Variants in GRM5 observed in about 807,000 individuals in gnomAD.
GRM5 encodes the protein glutamate metabotropic receptor 5, also known as metabotropic glutamate receptor 5.
GRM5 carries 19 observed loss-of-function variants against 83.1 expected under a neutral mutation model. The ratio of observed to expected loss-of-function variants is 0.23; its 90% CI spans 0.16 to 0.34. The LOEUF is 0.34. Among genes scored for constraint, GRM5 ranks in the 10% least tolerant of loss-of-function variants. GRM5 has a pLI of 1.00. For synonymous variants in GRM5, 675 were observed against 633.6 expected (o/e 1.07, Z -0.98); for missense variants, 1,160 against 1,588.3 (o/e 0.73, Z 4.58).
At chr11:88,697,980 T>C (rs1467407117) in intron 3 of GRM5, among the ~76,000 whole-genome samples, 1 of 152,196 alleles carries the variant, frequency 6.6e-6, no homozygotes, top group Non-Finnish European at 1.5e-5. Context: ...TCTGTTCAAA[T>C]CCATCTGCTT....
chr11:89,021,812 A>T (rs1007246246), intron 2 of GRM5, among the ~76,000 whole-genome samples: 2 of 152,102 alleles, frequency 1.3e-5, no homozygotes, highest in African/African-American at 4.8e-5. Context: ...TCACAATGTT[A>T]CTCACTCTTT....
At chr11:88,906,207 A>C (rs1237119300) in intron 2 of GRM5, among the ~76,000 whole-genome samples, 1 of 151,898 alleles carries the variant, frequency 6.6e-6, no homozygotes, top group Admixed American at 6.6e-5. Context: ...AATTTCATCT[A>C]CTCTTGTTTC....
intron 3 of GRM5, among the ~76,000 whole-genome samples, chr11:88,660,642 G>T (rs531392104): frequency 1.3e-5 from 2 of 152,172 alleles, no homozygotes; most frequent in African/African-American, 4.8e-5. Flanking sequence ...GCATGCTAGG[G>T]CCACACAGTT....
At chr11:88,996,802 T>C (rs1402777120) in intron 2 of GRM5, among the ~76,000 whole-genome samples, 6 of 152,194 alleles carry the variant, frequency 3.9e-5, no homozygotes, top group Non-Finnish European at 5.9e-5. Flanking sequence ...AATGTGTTGT[T>C]TGACCACAAT....
intron 3 of GRM5, among the ~76,000 whole-genome samples, chr11:88,749,781 C>G (rs920696911): frequency 6.6e-6 from 1 of 152,092 alleles, no homozygotes; most frequent in Admixed American, 6.6e-5. Flanking sequence ...AGATTGGGGC[C>G]AATATTCAAC....
chr11:88,817,299 A>G lies in GRM5; in HGVS notation c.911+32607T>C, dbSNP rs557469156. On this transcript the variant is annotated intron_variant, in intron 3 of 9. Coordinates refer to ENST00000305447, the MANE Select transcript of GRM5 (RefSeq NM_001143831.3). ...AAACAGTACATAAAATGCTCTTTTG[A>G]TTTAGGAAATTCTAATATTAGATAC... Among the ~76,000 whole-genome samples, 8 of 152,160 alleles carry G rather than the reference A, an allele frequency of 5.3e-5. No individual in the cohort carries two copies. In the East Asian group the frequency reaches 1.3e-3, roughly 26 times the overall value.
chr11:89,043,423 G>A (rs535016787), intron 2 of GRM5, among the ~76,000 whole-genome samples: 19 of 152,138 alleles, frequency 1.2e-4, no homozygotes, highest in Middle Eastern at 6.8e-3. Flanking sequence ...ATATTCAAGC[G>A]CTTAACTATT....
At chr11:89,064,879 T>G (rs1487679390) in intron 1 of GRM5, among the ~76,000 whole-genome samples, 1 of 56,370 alleles carries the variant, frequency 1.8e-5, no homozygotes, top group South Asian at 8.2e-4. Flanking sequence ...TCTCTCTCTC[T>G]CTCTCTCTCT....
At chr11:89,010,611 A>G (rs1210571225) in intron 2 of GRM5, among the ~76,000 whole-genome samples, 1 of 151,830 alleles carries the variant, frequency 6.6e-6, no homozygotes, top group Non-Finnish European at 1.5e-5. Context: ...GTTTATGCCA[A>G]TTAAAATTAT....
At chr11:88,849,537 T>C (rs1271867746) in intron 3 of GRM5, among the ~76,000 whole-genome samples, 5 of 152,208 alleles carry the variant, frequency 3.3e-5, no homozygotes, top group Non-Finnish European at 5.9e-5. Flanking sequence ...TTCAACATTA[T>C]AAACCAAGCT....
At chr11:88,855,334 C>T (rs1443563398) in intron 2 of GRM5, among the ~76,000 whole-genome samples, 4 of 151,840 alleles carry the variant, frequency 2.6e-5, no homozygotes, top group African/African-American at 9.7e-5. Flanking sequence ...ATATGTATCA[C>T]AGACACCCCA....
chr11:88,932,755 A>G (rs1257189398), intron 2 of GRM5, among the ~76,000 whole-genome samples: 4 of 151,888 alleles, frequency 2.6e-5, no homozygotes, highest in African/African-American at 9.7e-5. Flanking sequence ...CAATATTTCT[A>G]TATCACATTG....
intron 2 of GRM5, among the ~76,000 whole-genome samples, chr11:88,903,664 A>C (rs1453911461): frequency 6.6e-6 from 1 of 152,214 alleles, no homozygotes; most frequent in African/African-American, 2.4e-5. Context: ...CAAATTCAAC[A>C]TTCTCACTTA....
intron 4 of GRM5, among the ~76,000 whole-genome samples, chr11:88,650,223 AAAAG>A (rs1393410997): frequency 6.6e-6 from 1 of 151,964 alleles, no homozygotes; most frequent in East Asian, 1.9e-4. Flanking sequence ...AAATTGGACA[AAAAG>A]AAAACAAGTA....
At chr11:88,910,787 C>T (rs778800455) in intron 2 of GRM5, among the ~76,000 whole-genome samples, 18 of 152,050 alleles carry the variant, frequency 1.2e-4, no homozygotes, top group South Asian at 2.1e-4. Context: ...TGTCTATTCA[C>T]GTCAATATAT....
intron 2 of GRM5, among the ~76,000 whole-genome samples, chr11:88,953,515 G>T (rs1217001046): frequency 1.3e-5 from 2 of 152,122 alleles, no homozygotes; most frequent in Non-Finnish European, 2.9e-5. Flanking sequence ...CACTCTGATG[G>T]CCTGTTAAAG....
At chr11:89,037,672 C>T (rs1161518968) in intron 2 of GRM5, among the ~76,000 whole-genome samples, 1 of 151,918 alleles carries the variant, frequency 6.6e-6, no homozygotes, top group Non-Finnish European at 1.5e-5. Flanking sequence ...GACAGTTGTT[C>T]AATGCTTCTA....
intron 3 of GRM5, among the ~76,000 whole-genome samples, chr11:88,742,589 G>C (rs1048022558): frequency 1.3e-5 from 2 of 152,040 alleles, no homozygotes; most frequent in African/African-American, 4.8e-5. Context: ...TGACTCTCCA[G>C]GTATTTATTG....
At chr11:88,953,871 G>A (rs549669403) in intron 2 of GRM5, among the ~76,000 whole-genome samples, 1 of 152,270 alleles carries the variant, frequency 6.6e-6, no homozygotes, top group African/African-American at 2.4e-5. Context: ...GTAGCAACTC[G>A]TCTTACAATG....
Sources: allele counts gnomAD v4.1 joint callset (sites outside exome capture counted in the v4.1 genomes callset), GRCh38; gene constraint gnomAD v4.1.1; transcripts MANE v1.5; gene names NCBI Gene and HGNC (gene_info 2026-07-23, HGNC 2026-07-21).